Variants in MFHAS1 observed in about 807,000 individuals in gnomAD.
MFHAS1 encodes multifunctional ROCO family signaling regulator 1, also known as malignant fibrous histiocytoma-amplified sequence 1.
In MFHAS1, 50 loss-of-function variants were observed where a neutral mutation model predicts 70.4. The observed-to-expected ratio is 0.71, with a 90% CI of 0.57 to 0.90. MFHAS1 has a LOEUF of 0.90. MFHAS1 is among the 40% of genes least tolerant of loss of function. MFHAS1 has a pLI of 0.00. For synonymous variants in MFHAS1, 952 were observed against 620.0 expected (o/e 1.54, Z -7.96); for missense variants, 1,795 against 1,347.6 (o/e 1.33, Z -5.20).
In MFHAS1 at chr8:8,891,066, C is replaced by A. The variant is rs757009597; in HGVS notation, c.1993G>T (p.Val665Leu). The change falls in exon 1 of 3, where the codon GTG becomes TTG. Residue 665 changes from valine to leucine, a missense_variant. By Grantham distance (32) the Val-to-Leu change is conservative. Transcript: ENST00000276282. The surrounding 1 kb of genome is among the most constrained non-coding windows in gnomAD (Gnocchi z 5.4). ...LHRVLPRSWQ[V>L]LEELHFQPPQ... is the part of the protein sequence containing the mutation. ...GGCTGGAAATGCAGTTCCTCCAGCA[C>A]CTGCCAGGATCGAGGCAGTACTCTG... 6.2e-7 allele frequency: 1 copy of A among 1,613,756 alleles called. No homozygotes were observed. Among genetic ancestry groups the A allele is most frequent in the Non-Finnish European group, 8.5e-7 (1 of 1,179,922 alleles).
chr8:8,806,966 A>C (rs1806313204), intron 1 of MFHAS1, among the ~76,000 whole-genome samples: 1 of 152,100 alleles, frequency 6.6e-6, no homozygotes, highest in Non-Finnish European at 1.5e-5. Flanking sequence ...GTCTCAAAAA[A>C]AAAAAGAAAA....
intron 1 of MFHAS1, among the ~76,000 whole-genome samples, chr8:8,860,479 GA>G (rs771174926): frequency 1.3e-5 from 2 of 152,178 alleles, no homozygotes; most frequent in African/African-American, 2.4e-5. Context: ...CTAGAAGCCT[GA>G]GAAAATAAGG....
intron 1 of MFHAS1, among the ~76,000 whole-genome samples, chr8:8,817,449 C>G (rs1274898146): frequency 6.6e-6 from 1 of 152,240 alleles, no homozygotes; most frequent in Non-Finnish European, 1.5e-5. Context: ...TGGCCTCATT[C>G]CTCCTCACAG....
At chr8:8,877,156 T>C (rs1359913078) in intron 1 of MFHAS1, among the ~76,000 whole-genome samples, 1 of 151,416 alleles carries the variant, frequency 6.6e-6, no homozygotes, top group African/African-American at 2.4e-5. Context: ...AAAAACTAAC[T>C]GGGCATGGTG....
chr8:8,874,371 C>CAT (rs1315449560), intron 1 of MFHAS1, among the ~76,000 whole-genome samples: 1 of 127,014 alleles, frequency 7.9e-6, no homozygotes, highest in African/African-American at 3.0e-5. Flanking sequence ...CACACACACA[C>CAT]ACATAATAAT....
chr8:8,831,600 A>C (rs1585040654), intron 1 of MFHAS1, among the ~76,000 whole-genome samples: 1 of 151,876 alleles, frequency 6.6e-6, no homozygotes, highest in African/African-American at 2.4e-5. Flanking sequence ...GAAATAGACA[A>C]ACACATAAAT....
intron 1 of MFHAS1, among the ~76,000 whole-genome samples, chr8:8,886,145 T>A (rs1267882560): frequency 6.6e-6 from 1 of 152,150 alleles, no homozygotes; most frequent in Non-Finnish European, 1.5e-5. Flanking sequence ...TACAAAAAAC[T>A]ATGAAACTAG....
At chr8:8,847,336 C>A (rs1253552958) in intron 1 of MFHAS1, among the ~76,000 whole-genome samples, 2 of 152,122 alleles carry the variant, frequency 1.3e-5, no homozygotes, top group Non-Finnish European at 2.9e-5. Context: ...AATGTGCCAC[C>A]GCACCCAGCT....
chr8:8,887,534 T>C (rs1396627197), intron 1 of MFHAS1, among the ~76,000 whole-genome samples: 6 of 150,704 alleles, frequency 4.0e-5, no homozygotes, highest in African/African-American at 7.3e-5. Context: ...TGTACGTTGG[T>C]GTATATATAC....
At chr8:8,818,195 T>C (rs1367736863) in intron 1 of MFHAS1, among the ~76,000 whole-genome samples, 1 of 128,546 alleles carries the variant, frequency 7.8e-6, no homozygotes, top group African/African-American at 2.5e-5. Flanking sequence ...TTAAAGTCAG[T>C]AGACTCAGAA....
intron 1 of MFHAS1, among the ~76,000 whole-genome samples, chr8:8,879,709 A>G (rs568866866): frequency 6.6e-6 from 1 of 152,308 alleles, no homozygotes; most frequent in Admixed American, 6.5e-5. Flanking sequence ...TTCCGTATTT[A>G]CAAGAATCAA....
chr8:8,809,463 C>T (rs1806465675), intron 1 of MFHAS1, among the ~76,000 whole-genome samples: 1 of 152,156 alleles, frequency 6.6e-6, no homozygotes, highest in Non-Finnish European at 1.5e-5. Flanking sequence ...CCATCCTCTC[C>T]TCACTGACCC....
At chr8:8,880,899 G>A (rs1809496934) in intron 1 of MFHAS1, among the ~76,000 whole-genome samples, 1 of 152,078 alleles carries the variant, frequency 6.6e-6, no homozygotes, top group African/African-American at 2.4e-5. Context: ...TGGCCAACCT[G>A]TTCTCGAACT....
chr8:8,806,211 T>C (rs1454647568), intron 1 of MFHAS1, among the ~76,000 whole-genome samples: 2 of 152,142 alleles, frequency 1.3e-5, no homozygotes, highest in South Asian at 2.1e-4. Flanking sequence ...TGCAAAAGCG[T>C]CAGAGTCTTG....
At chr8:8,881,219 G>A (rs761748025) in intron 1 of MFHAS1, among the ~76,000 whole-genome samples, 1 of 152,168 alleles carries the variant, frequency 6.6e-6, no homozygotes, top group Non-Finnish European at 1.5e-5. Context: ...TCAGCTAAGA[G>A]ATTGAGGAAG....
chr8:8,878,040 C>G (rs1179914124), intron 1 of MFHAS1, among the ~76,000 whole-genome samples: 1 of 152,176 alleles, frequency 6.6e-6, no homozygotes, highest in African/African-American at 2.4e-5. Context: ...AGAAATCATC[C>G]TCTGACACTC....
At chr8:8,807,839 G>T (rs1378424322) in intron 1 of MFHAS1, among the ~76,000 whole-genome samples, 1 of 152,134 alleles carries the variant, frequency 6.6e-6, no homozygotes, top group East Asian at 1.9e-4. Context: ...AATTTAAAAA[G>T]CAAAATGAAC....
chr8:8,833,111 T>TAA (rs1807468612), intron 1 of MFHAS1, among the ~76,000 whole-genome samples: 1 of 152,048 alleles, frequency 6.6e-6, no homozygotes, highest in South Asian at 2.1e-4. Context: ...CACACACTTT[T>TAA]AAACAACCAG....
intron 1 of MFHAS1, among the ~76,000 whole-genome samples, chr8:8,823,236 G>C (rs572628916): frequency 6.6e-6 from 1 of 152,218 alleles, no homozygotes; most frequent in Non-Finnish European, 1.5e-5. Flanking sequence ...TTATTTGCAA[G>C]TTACTATGTG....
Sources: gnomAD v4.1 joint callset for allele counts (sites outside exome capture counted in the v4.1 genomes callset) on GRCh38, gnomAD v4.1.1 for gene constraint, Gnocchi (gnomAD v3.1) non-coding constraint, MANE v1.5 for transcripts, NCBI Gene and HGNC (gene_info 2026-07-23, HGNC 2026-07-21) for gene names.